The following CALD1 variants were observed in gnomAD, a reference collection of about 807,000 sequenced individuals.
CALD1 encodes caldesmon.
Under a neutral mutation model 99.9 loss-of-function variants are expected in CALD1, and 33 were observed. The ratio of observed to expected loss-of-function variants is 0.33; its 90% CI spans 0.25 to 0.44. The LOEUF (loss-of-function observed/expected upper bound fraction) is 0.44, where lower values mean the gene tolerates loss of function less well. CALD1 is among the 20% of genes least tolerant of loss of function. The pLI is 1.00. For missense variants in CALD1, 861 were observed against 962.1 expected (o/e 0.89, Z 1.39); for synonymous variants, 310 against 325.0 (o/e 0.95, Z 0.50).
intron 3 of CALD1, among the ~76,000 whole-genome samples, chr7:134,877,933 A>T (rs907888577): frequency 7.9e-5 from 12 of 152,094 alleles, no homozygotes; most frequent in African/African-American, 2.9e-4. Context: ...TTATGAAAAA[A>T]CTGATGCATA....
chr7:134,782,114 G>A (rs1309924616), intron 1 of CALD1, among the ~76,000 whole-genome samples: 2 of 152,162 alleles, frequency 1.3e-5, no homozygotes, highest in African/African-American at 4.8e-5. Flanking sequence ...GTCTCCATTT[G>A]CCATTTTCTT....
At chr7:134,852,883 C>T (rs544185756) in intron 2 of CALD1, among the ~76,000 whole-genome samples, 27 of 152,180 alleles carry the variant, frequency 1.8e-4, no homozygotes, top group Non-Finnish European at 3.7e-4. Flanking sequence ...GCTTGTGGTA[C>T]TCAAAGTGGA....
chr7:134,960,158 T>C, intron 12 of CALD1, 47 bp downstream of exon 12: 1 of 1,601,852 alleles, frequency 6.2e-7, no homozygotes. Flanking sequence ...GCATATTTTT[T>C]TGCATGTCGA....
intron 1 of CALD1, among the ~76,000 whole-genome samples, chr7:134,761,504 T>A (rs1796778404): frequency 6.6e-6 from 1 of 152,260 alleles, no homozygotes; most frequent in African/African-American, 2.4e-5. Flanking sequence ...CTCAGTTTTG[T>A]GCTGATAACA....
At chr7:134,763,873 G>A (rs550419293) in intron 1 of CALD1, among the ~76,000 whole-genome samples, 227 of 148,270 alleles carry the variant, frequency 1.5e-3, no homozygotes, top group South Asian at 3.2e-3. Context: ...AGCCGAGATC[G>A]TGCCATTGCA....
intron 12 of CALD1, chr7:134,960,331 G>A (rs778889936): frequency 1.5e-6 from 1 of 662,386 alleles, no homozygotes; most frequent in Non-Finnish European, 2.6e-6. Context: ...AAGTGCCTGG[G>A]CTGAAATGTC....
Position 134,900,687 on chromosome 7 carries a change from T to A in CALD1, c.72-28067T>A, listed in dbSNP as rs7805866. ...AGCAGGTCACTTAATTTCACTGGCC[T>A]AAGTTTCTCCATCTGTTAAAGACAT... On this transcript the variant is annotated intron_variant, in intron 3 of 14. Transcript: ENST00000361675. Among the ~76,000 whole-genome samples the A allele has an allele frequency of 6.2e-3, 946 of 152,244 alleles. 14 individuals carry two copies. The highest frequency in any genetic ancestry group is 0.021 in the African/African-American group (869 of 41,484).
Position 134,928,766 on chromosome 7 carries a change from G to A in CALD1, c.84G>A (p.Gln28=), listed in dbSNP as rs376723797. The A allele has an allele frequency of 5.3e-5, 85 of 1,613,828 alleles. No individual in the cohort carries two copies. The highest frequency in any genetic ancestry group is 6.7e-5 in the Non-Finnish European group (79 of 1,179,898). ...MRLEAERIAY[Q]RNDDDEEEAA... is the part of the protein sequence containing the mutation. Reference sequence around the variant, plus strand: ...TGTAATGTTGCAGAATCGCCTACCAGAGGAATGACGATGATGAAGAGGAGG... The same window carrying A: ...TGTAATGTTGCAGAATCGCCTACCAAAGGAATGACGATGATGAAGAGGAGG... Residue 28 remains glutamine (Q), a synonymous_variant, in exon 4 of 15, where the codon CAG becomes CAA. Coordinates refer to ENST00000361675, the MANE Select transcript of CALD1 (RefSeq NM_033138.4).
chr7:134,874,775 A>G (rs1801269291), intron 3 of CALD1, among the ~76,000 whole-genome samples: 1 of 152,216 alleles, frequency 6.6e-6, no homozygotes, highest in Non-Finnish European at 1.5e-5. Context: ...AAATGGCTTG[A>G]TGATTAGACA....
At chr7:134,952,253 A>T (rs1162899475) in intron 9 of CALD1, among the ~76,000 whole-genome samples, 1 of 152,064 alleles carries the variant, frequency 6.6e-6, no homozygotes, top group African/African-American at 2.4e-5. Context: ...GTGAGCCGAG[A>T]TCGTGCCACT....
chr7:134,789,040 A>AC (rs1797418892), intron 1 of CALD1, among the ~76,000 whole-genome samples: 3 of 151,022 alleles, frequency 2.0e-5, no homozygotes, highest in African/African-American at 7.3e-5. Flanking sequence ...GTAAAAAAAA[A>AC]AAAAAAAAAA....
Position 134,947,591 on chromosome 7 carries a change from TTCG to T in CALD1, c.1626_1628del (p.Arg543del), listed in dbSNP as rs1246074479. The T allele has an allele frequency of 6.4e-7, 1 of 1,560,756 alleles. No individual in the cohort carries two copies. Among genetic ancestry groups the T allele is most frequent in the Non-Finnish European group, 8.7e-7 (1 of 1,152,078 alleles). On this transcript the variant is annotated inframe_deletion, in exon 8 of 15. Coordinates refer to ENST00000361675, the MANE Select transcript of CALD1 (RefSeq NM_033138.4). ...GAAGCCGGCAAAAGGCTGGAGGAGC[TTCG>T]TCGTCGTCGCGGGGAGACCGAGAGC... is the stretch of plus-strand genomic sequence containing the variant.
At chr7:134,927,362 A>T (rs1170210739) in intron 3 of CALD1, among the ~76,000 whole-genome samples, 1 of 151,900 alleles carries the variant, frequency 6.6e-6, no homozygotes, top group East Asian at 1.9e-4. Context: ...ATCCTGGGCA[A>T]CATAATGAAA....
chr7:134,740,242 A>C (rs1796581713), upstream of CALD1, among the ~76,000 whole-genome samples: 1 of 152,138 alleles, frequency 6.6e-6, no homozygotes, highest in Non-Finnish European at 1.5e-5. Flanking sequence ...CAGTGCCTTG[A>C]ATGAGGAAGT....
upstream of CALD1, among the ~76,000 whole-genome samples, chr7:134,741,024 A>T (rs1796587840): frequency 6.6e-6 from 1 of 152,116 alleles, no homozygotes; most frequent in Non-Finnish European, 1.5e-5. Flanking sequence ...TACCTTAGTA[A>T]ATCTGGGGGT....
chr7:134,881,544 C>T (rs916434813), intron 3 of CALD1, among the ~76,000 whole-genome samples: 10 of 152,134 alleles, frequency 6.6e-5, no homozygotes, highest in Admixed American at 1.3e-4. Context: ...AAGGGTAATG[C>T]GCATGACGTA....
intron 3 of CALD1, among the ~76,000 whole-genome samples, chr7:134,921,027 T>C (rs182346798): frequency 2.6e-5 from 4 of 152,340 alleles, no homozygotes; most frequent in Admixed American, 6.5e-5. Flanking sequence ...ACAGGGAATA[T>C]TGAAGAACAC....
intron 1 of CALD1, among the ~76,000 whole-genome samples, chr7:134,825,182 G>T (rs755587148): frequency 1.3e-5 from 2 of 152,084 alleles, no homozygotes; most frequent in Non-Finnish European, 2.9e-5. Flanking sequence ...GGGGAGAAAG[G>T]GGGATAGGAA....
chr7:134,828,121 A>C (rs1048929742), intron 1 of CALD1, among the ~76,000 whole-genome samples: 4 of 152,220 alleles, frequency 2.6e-5, no homozygotes, highest in Non-Finnish European at 4.4e-5. Context: ...AAAGTTGTTA[A>C]GTTTGGCAAT....
Sources: gnomAD v4.1 joint callset for allele counts (sites outside exome capture counted in the v4.1 genomes callset) on GRCh38, gnomAD v4.1.1 for gene constraint, MANE v1.5 for transcripts, NCBI Gene and HGNC (gene_info 2026-07-23, HGNC 2026-07-21) for gene names.